ARAP2: variants seen among roughly 807,000 people sequenced by gnomAD.
ARAP2 encodes the protein arf-GAP with Rho-GAP domain, ANK repeat and PH domain-containing protein 2.
ARAP2 carries 148 observed loss-of-function variants against 194.5 expected under a neutral mutation model. The observed-to-expected ratio is 0.76, with a 90% CI of 0.67 to 0.87. ARAP2 has a LOEUF of 0.87. Among genes scored for constraint, ARAP2 ranks in the 40% least tolerant of loss-of-function variants. ARAP2 has a pLI of 0.00. For synonymous variants in ARAP2, 695 were observed against 683.5 expected, an observed-to-expected ratio of 1.02 and a Z score of -0.26; for missense variants, 2,128 against 1,989.7, an observed-to-expected ratio of 1.07 and a Z score of -1.32.
At chr4:36,224,125 C>T (rs1749743406) in intron 2 of ARAP2, among the ~76,000 whole-genome samples, 1 of 149,048 alleles carries the variant, frequency 6.7e-6, no homozygotes, top group African/African-American at 2.5e-5. Flanking sequence ...AAGATATCCC[C>T]TTATGAACTG....
At chr4:36,169,615 C>T (rs892869759) in intron 9 of ARAP2, among the ~76,000 whole-genome samples, 2 of 151,692 alleles carry the variant, frequency 1.3e-5, no homozygotes, top group Non-Finnish European at 2.9e-5. Context: ...ACTGCAACCT[C>T]GGCCCCCCCA....
chr4:36,044,655 C>A (rs1320066011), intron 5 of ARAP2, among the ~76,000 whole-genome samples: 4 of 151,666 alleles, frequency 2.6e-5, no homozygotes, highest in Non-Finnish European at 5.9e-5. Context: ...TGGATAAAAC[C>A]CCAAAAGCAC....
chr4:36,214,596 A>C (rs1560687999), intron 2 of ARAP2, 116 bp from the exon 3 acceptor site: 4 of 595,632 alleles, frequency 6.7e-6, no homozygotes, highest in African/African-American at 3.9e-5. Context: ...ATTTAAGTGA[A>C]GGATTTATTA....
At chr4:36,126,858 G>A (rs1241155855) in intron 21 of ARAP2, among the ~76,000 whole-genome samples, 1 of 151,940 alleles carries the variant, frequency 6.6e-6, no homozygotes, top group Non-Finnish European at 1.5e-5. Context: ...TGTTTAACAC[G>A]CAGGGTCTCA....
Position 36,161,455 on chromosome 4 carries a change from T to C in ARAP2, c.2259+10A>G, listed in dbSNP as rs545660713. On this transcript the variant is annotated intron_variant, in intron 12 of 32. Coordinates refer to ENST00000303965, the MANE Select transcript of ARAP2 (RefSeq NM_015230.4). ...CTATCACAACCCCATTCAGGTTAAA[T>C]AGGACTCACCTCGATGAGTTCATTG... 46 of 1,610,770 alleles carry C rather than the reference T, an allele frequency of 2.9e-5. No homozygotes were observed. In the South Asian group the frequency reaches 3.0e-4, roughly 10 times the overall value.
Position 36,177,908 on chromosome 4 carries a change from T to C in ARAP2, c.1776A>G (p.Gly592=), listed in dbSNP as rs745411337. 5 of 1,613,524 alleles carry C rather than the reference T, an allele frequency of 3.1e-6. No individual in the cohort carries two copies. The highest frequency in any genetic ancestry group is 3.4e-6 in the Non-Finnish European group (4 of 1,179,748). The part of the protein sequence containing the change: ...SQAVVTPEKC[G]YLELRGYKAK... ...CCTTATAGCCTCTCAATTCAAGATATCCACATTTCTCAGGTGTAACAACAG... is the reference window on the plus strand; with the variant it reads ...CCTTATAGCCTCTCAATTCAAGATACCCACATTTCTCAGGTGTAACAACAG... Residue 592 remains glycine (G), a synonymous_variant, in exon 9 of 33, where the codon GGA becomes GGG. Coordinates refer to ENST00000303965, the MANE Select transcript of ARAP2 (RefSeq NM_015230.4).
At chr4:36,024,509 G>C (rs946661179) in intron 5 of ARAP2, among the ~76,000 whole-genome samples, 2 of 152,058 alleles carry the variant, frequency 1.3e-5, no homozygotes, top group African/African-American at 4.8e-5. Context: ...TTATATTGTA[G>C]AAGGAATAAT....
intron 21 of ARAP2, 32 bp downstream of exon 21, chr4:36,128,501 C>CACACAT (rs778347636): frequency 6.5e-7 from 1 of 1,539,724 alleles, no homozygotes; most frequent in Non-Finnish European, 9.0e-7. Flanking sequence ...CACACACACA[C>CACACAT]ACATATCTAC....
intron 15 of ARAP2, among the ~76,000 whole-genome samples, chr4:36,152,862 C>T (rs1157867257): frequency 1.3e-5 from 2 of 152,154 alleles, no homozygotes; most frequent in African/African-American, 2.4e-5. Flanking sequence ...TCAGATTACA[C>T]GTGAAGTTGG....
At chr4:36,053,322 A>AT (rs1180267366) in intron 2 of ARAP2, among the ~76,000 whole-genome samples, 1 of 136,592 alleles carries the variant, frequency 7.3e-6, no homozygotes, top group African/African-American at 3.2e-5. Flanking sequence ...AGTTTTTTAT[A>AT]AAAAAAAAAA....
chr4:36,069,267 AT>A (rs1198461760), intron 32 of ARAP2, among the ~76,000 whole-genome samples: 1 of 152,112 alleles, frequency 6.6e-6, no homozygotes, highest in Non-Finnish European at 1.5e-5. Flanking sequence ...GAAATTTGGA[AT>A]TTTCTGGTAA....
intron 6 of ARAP2, among the ~76,000 whole-genome samples, chr4:36,200,412 T>C (rs1370426932): frequency 6.6e-6 from 1 of 152,022 alleles, no homozygotes; most frequent in Non-Finnish European, 1.5e-5. Context: ...TGCACCACCA[T>C]GCCCAGCTAA....
At chr4:36,163,997 C>T (rs907531948) in intron 11 of ARAP2, among the ~76,000 whole-genome samples, 2 of 152,188 alleles carry the variant, frequency 1.3e-5, no homozygotes, top group African/African-American at 4.8e-5. Context: ...CCTGTGACTG[C>T]ACTACTCACT....
At chr4:36,037,686 T>C (rs902043079) in intron 5 of ARAP2, among the ~76,000 whole-genome samples, 13 of 152,124 alleles carry the variant, frequency 8.5e-5, no homozygotes, top group African/African-American at 2.7e-4. Flanking sequence ...GCTGGTATCA[T>C]TGGTTGCCTC....
At chr4:36,025,885 T>C (rs1717822868) in intron 5 of ARAP2, among the ~76,000 whole-genome samples, 1 of 152,140 alleles carries the variant, frequency 6.6e-6, no homozygotes, top group African/African-American at 2.4e-5. Context: ...AAAAATGGAA[T>C]GAAGGTGCCA....
intron 31 of ARAP2, 117 bp from the exon 32 acceptor site, chr4:36,073,940 G>A: frequency 7.7e-7 from 1 of 1,292,814 alleles, no homozygotes; most frequent in Non-Finnish European, 1.1e-6. Flanking sequence ...ATTTCCATGA[G>A]AATTCCATTT....
At chr4:36,016,597 A>G (rs781108218) in intron 6 of ARAP2, among the ~76,000 whole-genome samples, 5 of 152,168 alleles carry the variant, frequency 3.3e-5, no homozygotes, top group Admixed American at 6.5e-5. Flanking sequence ...ATTAGTACCA[A>G]TGGGTATCTT....
rs1470041320 is a variant in ARAP2 at position 36,177,768 on chromosome 4, AAC to A, written c.1857+57_1857+58del. ...AATCACTAATAATCCTTCCAAACAA[AAC>A]ATAGTTGTTACTATAATAAAATAGC... On this transcript the variant is annotated intron_variant, in intron 9 of 32. Coordinates refer to ENST00000303965, the MANE Select transcript of ARAP2 (RefSeq NM_015230.4). 4.2e-5 allele frequency: 61 copies of A among 1,459,760 alleles called. 1 individual carries two copies. In the Middle Eastern group the frequency reaches 2.5e-3, roughly 59 times the overall value. The allele number at this position is 1,459,760 out of a possible 1,614,324, so 90.4% of individuals were successfully genotyped here.
At position 36,185,965 on chromosome 4, in the gene ARAP2, T is replaced by C. The variant is rs370215339; in HGVS notation, c.1678+1486A>G. Among the ~76,000 whole-genome samples the C allele has an allele frequency of 3.2e-3, 484 of 150,084 alleles. 1 individual carries two copies. Among genetic ancestry groups the C allele is most frequent in the African/African-American group, 8.5e-3 (345 of 40,546 alleles). On this transcript the variant is annotated intron_variant, in intron 8 of 32. Transcript: ENST00000303965. The stretch of plus-strand genomic sequence containing the variant: ...TGCACTCAAGCTTGGGCAACAAGAG[T>C]GAAACTCTGTCTCAAAAAAAAAAAA...
Sources: gnomAD v4.1 joint callset for allele counts (sites outside exome capture counted in the v4.1 genomes callset) on GRCh38, gnomAD v4.1.1 for gene constraint, MANE v1.5 for transcripts, NCBI Gene and HGNC (gene_info 2026-07-23, HGNC 2026-07-21) for gene names.